Variants in CADM2 observed in about 807,000 individuals in gnomAD.
CADM2 encodes immunoglobulin superfamily member 4D.
CADM2 carries 12 observed loss-of-function variants against 49.8 expected under a neutral mutation model. That is an observed-to-expected ratio of 0.24 (90% CI 0.15 to 0.39). The LOEUF (loss-of-function observed/expected upper bound fraction) is 0.39, where lower values mean the gene tolerates loss of function less well. Among genes scored for constraint, CADM2 ranks in the 10% least tolerant of loss-of-function variants. The probability of loss-of-function intolerance (pLI) is 1.00; values close to 1 mark genes in which losing one functional copy is unlikely to be tolerated. For missense variants in CADM2, 378 were observed against 492.3 expected, an observed-to-expected ratio of 0.77 and a Z score of 2.20; for synonymous variants, 214 against 175.4, an observed-to-expected ratio of 1.22 and a Z score of -1.74.
chr3:85,014,191 T>C (rs143092089), intron 1 of CADM2, among the ~76,000 whole-genome samples: 2,294 of 148,516 alleles, frequency 0.015, 25 homozygotes, highest in Non-Finnish European at 0.025. Flanking sequence ...TATTGTATAT[T>C]ATATATACGC....
intron 1 of CADM2, among the ~76,000 whole-genome samples, chr3:85,451,339 T>C (rs2037738428): frequency 1.3e-5 from 2 of 152,138 alleles, no homozygotes; most frequent in African/African-American, 4.8e-5. Context: ...ATACTGAGAT[T>C]ACTTATCACA....
intron 3 of CADM2, among the ~76,000 whole-genome samples, chr3:85,843,526 G>T (rs947346596): frequency 6.6e-6 from 1 of 151,854 alleles, no homozygotes; most frequent in Non-Finnish European, 1.5e-5. Flanking sequence ...AAGTAAGGTG[G>T]AATACAAATT....
chr3:85,609,921 G>A (rs924330545), intron 1 of CADM2, among the ~76,000 whole-genome samples: 12 of 151,972 alleles, frequency 7.9e-5, no homozygotes, highest in Middle Eastern at 3.2e-3. Context: ...GTCTTTGTGC[G>A]TATGTGTTAG....
At chr3:85,440,790 C>G (rs931520910) in intron 1 of CADM2, among the ~76,000 whole-genome samples, 1 of 152,044 alleles carries the variant, frequency 6.6e-6, no homozygotes, top group East Asian at 1.9e-4. Context: ...CAAGACCAGT[C>G]GAGCCAATAT....
intron 1 of CADM2, among the ~76,000 whole-genome samples, chr3:84,980,729 G>A (rs2032124871): frequency 6.6e-6 from 1 of 152,130 alleles, no homozygotes; most frequent in South Asian, 2.1e-4. Flanking sequence ...ACCTCTCTGA[G>A]CTTAAGGTGT....
intron 1 of CADM2, among the ~76,000 whole-genome samples, chr3:85,465,527 T>C (rs1030886881): frequency 3.9e-5 from 6 of 152,174 alleles, no homozygotes; most frequent in African/African-American, 2.4e-5. Flanking sequence ...ATCATGTCAC[T>C]ATTTTTGTGA....
At chr3:85,244,392 C>T (rs2042602443) in intron 1 of CADM2, among the ~76,000 whole-genome samples, 1 of 152,162 alleles carries the variant, frequency 6.6e-6, no homozygotes, top group South Asian at 2.1e-4. Flanking sequence ...CTTGTTTAAA[C>T]CAAATATGCA....
At chr3:85,846,444 C>T (rs1407578336) in intron 3 of CADM2, among the ~76,000 whole-genome samples, 1 of 152,084 alleles carries the variant, frequency 6.6e-6, no homozygotes, top group African/African-American at 2.4e-5. Flanking sequence ...TCCTAACTCT[C>T]CAAGTTGGCG....
At chr3:85,124,852 AAG>A (rs1381278149) in intron 1 of CADM2, among the ~76,000 whole-genome samples, 1 of 152,186 alleles carries the variant, frequency 6.6e-6, no homozygotes, top group Non-Finnish European at 1.5e-5. Context: ...AAAGTTGAAA[AAG>A]AGAATTTTTA....
intron 1 of CADM2, among the ~76,000 whole-genome samples, chr3:85,444,047 A>G (rs1194282112): frequency 6.6e-6 from 1 of 152,264 alleles, no homozygotes; most frequent in East Asian, 1.9e-4. Context: ...TCCAAAGCCT[A>G]AGGCCAACCT....
intron 1 of CADM2, among the ~76,000 whole-genome samples, chr3:85,079,450 A>G (rs2037074972): frequency 6.6e-6 from 1 of 151,890 alleles, no homozygotes; most frequent in Non-Finnish European, 1.5e-5. Context: ...ATTACCTAAT[A>G]TTTATGAAAC....
chr3:85,477,721 T>C (rs1213221431), intron 1 of CADM2, among the ~76,000 whole-genome samples: 1 of 151,892 alleles, frequency 6.6e-6, no homozygotes, highest in Non-Finnish European at 1.5e-5. Flanking sequence ...ACAATCTAGA[T>C]ATTGCATTGT....
At chr3:85,229,096 T>G (rs2042225940) in intron 1 of CADM2, among the ~76,000 whole-genome samples, 1 of 152,136 alleles carries the variant, frequency 6.6e-6, no homozygotes, top group African/African-American at 2.4e-5. Flanking sequence ...CCTGGCAGCT[T>G]TATTTACACT....
chr3:85,117,702 A>AT (rs1368565665), intron 1 of CADM2, among the ~76,000 whole-genome samples: 1 of 152,204 alleles, frequency 6.6e-6, no homozygotes, highest in African/African-American at 2.4e-5. Context: ...ATGAAGTAAG[A>AT]TTTTTTCTGG....
chr3:85,687,315 A>T (rs536034089), intron 1 of CADM2, among the ~76,000 whole-genome samples: 1 of 152,222 alleles, frequency 6.6e-6, no homozygotes, highest in Admixed American at 6.5e-5. Flanking sequence ...AATAAATAAC[A>T]TAATTACTTT....
At chr3:85,154,385 A>G (rs979933872) in intron 1 of CADM2, among the ~76,000 whole-genome samples, 1 of 152,112 alleles carries the variant, frequency 6.6e-6, no homozygotes, top group South Asian at 2.1e-4. Context: ...GGGAAGTTTA[A>G]AGAAAAAAGA....
chr3:85,158,301 G>T (rs2040205333), intron 1 of CADM2, among the ~76,000 whole-genome samples: 1 of 152,182 alleles, frequency 6.6e-6, no homozygotes, highest in South Asian at 2.1e-4. Context: ...CAGGGATCTA[G>T]AACTAGAAAT....
At chr3:85,330,876 T>G (rs564416476) in intron 1 of CADM2, among the ~76,000 whole-genome samples, 2 of 151,878 alleles carry the variant, frequency 1.3e-5, no homozygotes, top group South Asian at 4.2e-4. Context: ...GTGGGAAGAT[T>G]GTTTGAGCCT....
rs188386280 is a variant in CADM2, at chr3:85,912,805, G to A, written c.700+262G>A. On this transcript the variant is annotated intron_variant, in intron 6 of 9. Coordinates refer to ENST00000383699, the MANE Select transcript of CADM2 (RefSeq NM_001167675.2). ...TTTCAAATTGTGGCTTAACGTAGGC[G>A]TGCACGTAAGGGTGGGGGAGAAAAA... 5.0e-3 allele frequency among the ~76,000 whole-genome samples: 760 copies of A among 152,240 alleles called. 5 individuals carry two copies. The highest frequency in any genetic ancestry group is 0.02 in the Middle Eastern group (6 of 294).
Sources: gnomAD v4.1 joint callset for allele counts (sites outside exome capture counted in the v4.1 genomes callset) on GRCh38, gnomAD v4.1.1 for gene constraint, MANE v1.5 for transcripts, NCBI Gene and HGNC (gene_info 2026-07-23, HGNC 2026-07-21) for gene names.